TSPAN5: variants seen among roughly 807,000 people sequenced by gnomAD.
TSPAN5 encodes the protein tetraspanin 5, also known as tetraspanin-5.
A neutral mutation model predicts 37.1 loss-of-function variants in TSPAN5; 10 were observed. The ratio of observed to expected loss-of-function variants is 0.27; its 90% confidence interval spans 0.17 to 0.46. The LOEUF is 0.46. Ranked by LOEUF, TSPAN5 falls within the 20% of genes least tolerant of loss-of-function variation. The pLI, the probability that TSPAN5 is intolerant of heterozygous loss-of-function variation, is 1.00. For synonymous variants in TSPAN5, 110 were observed against 118.9 expected, an observed-to-expected ratio of 0.93 and a Z score of 0.48; for missense variants, 195 against 326.6, an observed-to-expected ratio of 0.60 and a Z score of 3.11.
intron 1 of TSPAN5, among the ~76,000 whole-genome samples, chr4:98,607,636 C>T (rs1246669053): frequency 6.6e-6 from 1 of 151,988 alleles, no homozygotes; most frequent in Non-Finnish European, 1.5e-5. Context: ...TTACAACCTT[C>T]CTTACATGCT....
chr4:98,548,142 C>T (rs560275131), intron 1 of TSPAN5, among the ~76,000 whole-genome samples: 1 of 151,886 alleles, frequency 6.6e-6, no homozygotes, highest in Non-Finnish European at 1.5e-5. Flanking sequence ...AGCATATGAA[C>T]CCCCAGTTAA....
Position 98,482,082 on chromosome 4 carries a change from A to C in TSPAN5, c.373T>G (p.Phe125Val), listed in dbSNP as rs1752850584. ...FKDWIKDQLY[F>V]FINNNIRAYR... Reference sequence around the variant, plus strand: ...GCTCTGATGTTGTTGTTTATAAAGAAATACAGCTGGTCTTTGATCCAGTCT... The same window carrying C: ...GCTCTGATGTTGTTGTTTATAAAGACATACAGCTGGTCTTTGATCCAGTCT... Residue 125 changes from phenylalanine to valine, a missense_variant, in exon 4 of 8, where the codon TTC becomes GTC. Physicochemically the swap from Phe to Val is conservative, Grantham distance 50. Transcript: ENST00000305798. The C allele has an allele frequency of 2.5e-6, 4 of 1,614,060 alleles. No homozygotes were observed. The highest frequency in any genetic ancestry group is 1.3e-5 in the African/African-American group (1 of 74,944).
chr4:98,605,562 T>G (rs1045561110), intron 1 of TSPAN5, among the ~76,000 whole-genome samples: 15 of 152,136 alleles, frequency 9.9e-5, no homozygotes, highest in Admixed American at 2.6e-4. Context: ...GCATACAATT[T>G]TTAAGAAAAA....
At chr4:98,548,923 C>A (rs1292482894) in intron 1 of TSPAN5, among the ~76,000 whole-genome samples, 2 of 143,952 alleles carry the variant, frequency 1.4e-5, no homozygotes, top group Non-Finnish European at 3.0e-5. Flanking sequence ...GTGTGTGTAA[C>A]CCACATTTTC....
chr4:98,607,138 A>C (rs1756056318), intron 1 of TSPAN5, among the ~76,000 whole-genome samples: 1 of 152,194 alleles, frequency 6.6e-6, no homozygotes. Flanking sequence ...TTCCTGAAGG[A>C]AAGCACCTGT....
Position 98,530,760 on chromosome 4 carries a change from G to C in TSPAN5, c.82-23032C>G, listed in dbSNP as rs144693219. Among the ~76,000 whole-genome samples the C allele has an allele frequency of 5.2e-3, 731 of 141,120 alleles. 5 individuals are homozygous for C. Among genetic ancestry groups the C allele is most frequent in the Middle Eastern group, 0.014 (4 of 284 alleles). 92.6% of individuals were successfully genotyped at this position (141,120 alleles called of 152,430 possible). A position where few individuals can be genotyped will look rare whatever the true frequency, so the allele number is the denominator to read the frequency against. ...ACACACACACACACACACATATTTA[G>C]AAACAGGATCTTACTCCATTGTCCA... On this transcript the variant is annotated intron_variant, in intron 1 of 7. Transcript: ENST00000305798.
At chr4:98,592,436 T>G (rs1306847148) in intron 1 of TSPAN5, among the ~76,000 whole-genome samples, 38 of 147,754 alleles carry the variant, frequency 2.6e-4, no homozygotes, top group South Asian at 1.1e-3. Flanking sequence ...TTGTTTTTTT[T>G]TTTTTTTTTT....
intron 1 of TSPAN5, among the ~76,000 whole-genome samples, chr4:98,529,827 A>G (rs547365646): frequency 6.6e-6 from 1 of 152,388 alleles, no homozygotes; most frequent in African/African-American, 2.4e-5. Flanking sequence ...ATACAGCCAC[A>G]AAATAACACA....
At chr4:98,580,088 CATT>C (rs1311630518) in intron 1 of TSPAN5, among the ~76,000 whole-genome samples, 2 of 152,162 alleles carry the variant, frequency 1.3e-5, no homozygotes, top group African/African-American at 4.8e-5. Context: ...CTTCCATACT[CATT>C]AGTGGAGAGA....
chr4:98,601,859 A>G (rs928349261), intron 1 of TSPAN5, among the ~76,000 whole-genome samples: 1 of 152,204 alleles, frequency 6.6e-6, no homozygotes. Context: ...AGTGAGAGAC[A>G]TGTGACTCTT....
At chr4:98,547,687 A>G (rs577063588) in intron 1 of TSPAN5, among the ~76,000 whole-genome samples, 19 of 152,150 alleles carry the variant, frequency 1.2e-4, no homozygotes, top group Admixed American at 3.3e-4. Flanking sequence ...GCATCTAATG[A>G]AAGCTACACA....
chr4:98,581,743 T>A (rs1755374835), intron 1 of TSPAN5, among the ~76,000 whole-genome samples: 2 of 152,170 alleles, frequency 1.3e-5, no homozygotes, highest in African/African-American at 4.8e-5. Flanking sequence ...CTGATTTTTT[T>A]AAAAAAACAC....
chr4:98,495,870 C>A (rs1318980322), intron 2 of TSPAN5, among the ~76,000 whole-genome samples: 26 of 151,992 alleles, frequency 1.7e-4, no homozygotes, highest in Non-Finnish European at 1.5e-5. Flanking sequence ...CATTAATAAA[C>A]CCCAAGGTCT....
Position 98,563,631 on chromosome 4 carries a change from T to C in TSPAN5, c.82-55903A>G, listed in dbSNP as rs77984154. 1.8e-3 allele frequency among the ~76,000 whole-genome samples: 276 copies of C among 152,306 alleles called. 5 individuals are homozygous for C. In the East Asian group the frequency reaches 0.052, roughly 29 times the overall value. On this transcript the variant is annotated intron_variant, in intron 1 of 7. Coordinates refer to ENST00000305798, the MANE Select transcript of TSPAN5 (RefSeq NM_005723.4). ...ACACACTTTTCAAGAATTATGAGAA[T>C]GGAATAAAAATCACTTCAGGGCATT...
intron 2 of TSPAN5, among the ~76,000 whole-genome samples, chr4:98,503,475 C>T (rs975709287): frequency 3.3e-5 from 5 of 151,982 alleles, no homozygotes; most frequent in Admixed American, 1.3e-4. Flanking sequence ...ACATACCTCC[C>T]GGGCTAACAT....
intron 1 of TSPAN5, among the ~76,000 whole-genome samples, chr4:98,586,259 A>T (rs1755481630): frequency 1.3e-5 from 2 of 152,196 alleles, no homozygotes; most frequent in African/African-American, 4.8e-5. Context: ...AGTATTTTGA[A>T]AATGTTACCA....
intron 2 of TSPAN5, chr4:98,500,266 T>C (rs1753316307): frequency 6.6e-6 from 1 of 152,220 alleles, no homozygotes; most frequent in African/African-American, 2.4e-5. Context: ...GGAAAGGTTT[T>C]CCAAGGTGAG....
intron 1 of TSPAN5, among the ~76,000 whole-genome samples, chr4:98,540,265 ACAAAT>A (rs1754327734): frequency 6.6e-6 from 1 of 152,186 alleles, no homozygotes; most frequent in South Asian, 2.1e-4. Flanking sequence ...TTTTGCAAAT[ACAAAT>A]CAAAGACGGC....
intron 1 of TSPAN5, among the ~76,000 whole-genome samples, chr4:98,585,080 T>C (rs1755454640): frequency 6.6e-6 from 1 of 152,184 alleles, no homozygotes; most frequent in Non-Finnish European, 1.5e-5. Context: ...GGACTAATGT[T>C]GAAAGAGCAC....
Sources: allele counts gnomAD v4.1 joint callset (sites outside exome capture counted in the v4.1 genomes callset), GRCh38; gene constraint gnomAD v4.1.1; transcripts MANE v1.5; gene names NCBI Gene and HGNC (gene_info 2026-07-23, HGNC 2026-07-21).